Variants in TMC2 observed in about 807,000 individuals in gnomAD.
TMC2 encodes the protein transmembrane channel-like protein 2.
Under a neutral mutation model 105.9 loss-of-function variants are expected in TMC2, and 102 were observed. That is an observed-to-expected ratio of 0.96 (90% CI 0.82 to 1.14). TMC2 has a LOEUF of 1.14. Ranked by LOEUF, TMC2 falls within the 50% of genes most tolerant of loss-of-function variation. The pLI is 0.00. For missense variants in TMC2, 1,093 were observed against 1,134.3 expected, an observed-to-expected ratio of 0.96 and a Z score of 0.52; for synonymous variants, 402 against 422.8, an observed-to-expected ratio of 0.95 and a Z score of 0.60.
intron 2 of TMC2, among the ~76,000 whole-genome samples, chr20:2,541,406 C>T (rs187280353): frequency 4.6e-5 from 7 of 151,934 alleles, no homozygotes; most frequent in Non-Finnish European, 8.8e-5. Flanking sequence ...TTTGGGAGGC[C>T]GAGGCAGGCG....
At chr20:2,584,080 G>A (rs1019331846) in intron 7 of TMC2, among the ~76,000 whole-genome samples, 3 of 152,142 alleles carry the variant, frequency 2.0e-5, no homozygotes, top group Non-Finnish European at 4.4e-5. Context: ...TACATAGCAA[G>A]CATTCAGTCT....
chr20:2,602,201 T>G lies in TMC2; in HGVS notation c.1313T>G (p.Ile438Ser). The G allele has an allele frequency of 6.2e-7, 1 of 1,613,830 alleles. No individual in the cohort carries two copies. Among genetic ancestry groups the G allele is most frequent in the Admixed American group, 1.7e-5 (1 of 59,964 alleles). ...FLRVLANFLI[I>S]CCLCGSGYLI... is the part of the protein sequence containing the mutation. ...CGTGTCCTGGCCAACTTTCTCATCA[T>G]CTGCTGTTTGTGTGGAAGTGGGTAC... Residue 438 changes from isoleucine (I) to serine (S), a missense_variant, in exon 11 of 20, where the codon ATC (isoleucine) becomes AGC (serine). Coordinates refer to ENST00000358864, the MANE Select transcript of TMC2 (RefSeq NM_080751.3).
chr20:2,595,093 C>G (rs1392715258), intron 9 of TMC2, 126 bp downstream of exon 9: 1 of 1,052,192 alleles, frequency 9.5e-7, no homozygotes, highest in Non-Finnish European at 1.4e-6. Flanking sequence ...GCACAGAAAG[C>G]ATATGCACAT....
intron 7 of TMC2, among the ~76,000 whole-genome samples, chr20:2,591,479 A>G (rs2086267899): frequency 6.6e-6 from 1 of 151,848 alleles, no homozygotes; most frequent in South Asian, 2.1e-4. Context: ...CCAAGGTAGT[A>G]GGATCACTTG....
intron 7 of TMC2, among the ~76,000 whole-genome samples, chr20:2,581,976 A>G (rs903076966): frequency 2.6e-5 from 4 of 151,286 alleles, no homozygotes; most frequent in Admixed American, 6.6e-5. Flanking sequence ...GGTTGAGAGT[A>G]AGAGAGAGAG....
chr20:2,563,356 T>C (rs1478682622), intron 4 of TMC2, among the ~76,000 whole-genome samples: 1 of 152,206 alleles, frequency 6.6e-6, no homozygotes, highest in Non-Finnish European at 1.5e-5. Flanking sequence ...CTCCTCGTAG[T>C]GCCTCCAGGC....
chr20:2,641,957 C>A lies in TMC2; in HGVS notation c.*606C>A, dbSNP rs550686283. On this transcript the variant is annotated 3_prime_UTR_variant, in exon 20 of 20. Transcript: ENST00000358864. ...AAAATTAGCTAGGCATGGTGGTATG[C>A]ACCTGTAATCCCAGCTACTTGGGAG... Among the ~76,000 whole-genome samples the A allele has an allele frequency of 6.6e-6, 1 of 152,256 alleles. No homozygotes were observed.
At chr20:2,574,419 T>G (rs1322220146) in intron 5 of TMC2, among the ~76,000 whole-genome samples, 1 of 152,242 alleles carries the variant, frequency 6.6e-6, no homozygotes, top group Non-Finnish European at 1.5e-5. Flanking sequence ...ATGAATAGCG[T>G]TACCTCCTCT....
chr20:2,562,940 T>C (rs1379807096), intron 4 of TMC2, among the ~76,000 whole-genome samples: 1 of 151,634 alleles, frequency 6.6e-6, no homozygotes, highest in African/African-American at 2.4e-5. Flanking sequence ...AGGGAGACTC[T>C]GTATCAAAAA....
intron 4 of TMC2, among the ~76,000 whole-genome samples, chr20:2,569,521 CT>C (rs578230059): frequency 3.9e-5 from 6 of 152,240 alleles, no homozygotes; most frequent in African/African-American, 1.4e-4. Flanking sequence ...ACTTAATGGC[CT>C]TTTTGGGGTA....
rs1280973918 is a variant in TMC2, at chr20:2,642,341, A to G, written c.*990A>G. 3.3e-5 allele frequency among the ~76,000 whole-genome samples: 5 copies of G among 152,202 alleles called. No individual in the cohort carries two copies. The East Asian group carries it at 9.6e-4, about 29-fold the overall frequency. ...AGTACCCAGCCCAAGGGAAGCTTAC[A>G]CCATGGAGCACAAAACAGGGAGTGA... is the stretch of plus-strand genomic sequence containing the variant. On this transcript the variant is annotated 3_prime_UTR_variant, in exon 20 of 20. Coordinates refer to ENST00000358864, the MANE Select transcript of TMC2 (RefSeq NM_080751.3).
rs767691156 is a variant in TMC2, at chr20:2,641,515, C to A, written c.*164C>A. The stretch of plus-strand genomic sequence containing the variant: ...ATTCCTTCAGGCCCTTGTCAGCTAC[C>A]GAAGGAGGAAGACAGTGGCTTCACC... On this transcript the variant is annotated 3_prime_UTR_variant, in exon 20 of 20. Coordinates refer to ENST00000358864, the MANE Select transcript of TMC2 (RefSeq NM_080751.3). 2 of 597,688 alleles carry A rather than the reference C, an allele frequency of 3.3e-6. No homozygotes were observed. Among genetic ancestry groups the A allele is most frequent in the East Asian group, 5.6e-5 (2 of 35,968 alleles). 37.0% of individuals were successfully genotyped at this position (597,688 alleles called of 1,614,324 possible).
intron 8 of TMC2, among the ~76,000 whole-genome samples, chr20:2,594,595 T>C (rs993768538): frequency 2.0e-5 from 3 of 152,080 alleles, no homozygotes; most frequent in Non-Finnish European, 4.4e-5. Context: ...CCATGCACTC[T>C]ATGTAATGAG....
At chr20:2,574,463 T>C (rs2086128638) in intron 5 of TMC2, among the ~76,000 whole-genome samples, 1 of 152,232 alleles carries the variant, frequency 6.6e-6, no homozygotes, top group South Asian at 2.1e-4. Context: ...AGCATGATAA[T>C]ACACTTTTTG....
chr20:2,643,094 G>A lies in TMC2; in HGVS notation c.*1743G>A, dbSNP rs1288717253. Among the ~76,000 whole-genome samples, 2 of 152,158 alleles carry A rather than the reference G, an allele frequency of 1.3e-5. No homozygotes were observed. The highest frequency in any genetic ancestry group is 4.8e-5 in the African/African-American group (2 of 41,426). On this transcript the variant is annotated 3_prime_UTR_variant, in exon 20 of 20. Coordinates refer to ENST00000358864, the MANE Select transcript of TMC2 (RefSeq NM_080751.3). Reference sequence around the variant, plus strand: ...ATGGAATAATAGGGACATGTGACCAGGAGAAACAGGATAAATTATTTCACA... The same window carrying A: ...ATGGAATAATAGGGACATGTGACCAAGAGAAACAGGATAAATTATTTCACA...
chr20:2,584,315 G>C (rs1345855093), intron 7 of TMC2, among the ~76,000 whole-genome samples: 3 of 143,834 alleles, frequency 2.1e-5, no homozygotes, highest in Non-Finnish European at 3.0e-5. Flanking sequence ...GTAGTGGCGG[G>C]TGCCTGTGGT....
chr20:2,631,099 T>G (rs999583029), intron 17 of TMC2, among the ~76,000 whole-genome samples: 7 of 151,022 alleles, frequency 4.6e-5, no homozygotes, highest in African/African-American at 1.7e-4. Flanking sequence ...TTTGTTTTAG[T>G]TATTTTCTCA....
At chr20:2,578,762 T>C (rs1177179149) in intron 5 of TMC2, among the ~76,000 whole-genome samples, 1 of 152,028 alleles carries the variant, frequency 6.6e-6, no homozygotes, top group African/African-American at 2.4e-5. Context: ...GTAGCCAGAG[T>C]TCCTTCTACC....
intron 10 of TMC2, among the ~76,000 whole-genome samples, chr20:2,600,162 A>C (rs1039528555): frequency 2.0e-5 from 3 of 152,220 alleles, no homozygotes; most frequent in Non-Finnish European, 4.4e-5. Flanking sequence ...ATGTCTTTGA[A>C]ACACTTTGAA....
Sources: allele counts gnomAD v4.1 joint callset (sites outside exome capture counted in the v4.1 genomes callset), GRCh38; gene constraint gnomAD v4.1.1; transcripts MANE v1.5; gene names NCBI Gene and HGNC (gene_info 2026-07-23, HGNC 2026-07-21).